Variants in STRADB observed in about 807,000 individuals in gnomAD.
STRADB encodes the protein STE20-related kinase adapter protein beta.
STRADB carries 34 observed loss-of-function variants against 52.1 expected under a neutral mutation model. The ratio of observed to expected loss-of-function variants is 0.65; its 90% CI spans 0.50 to 0.87. The LOEUF (loss-of-function observed/expected upper bound fraction) is 0.87. Ranked by LOEUF, STRADB falls within the 40% of genes least tolerant of loss-of-function variation. The probability of loss-of-function intolerance (pLI) is 0.00; values close to 1 mark genes in which losing one functional copy is unlikely to be tolerated. For missense variants in STRADB, 340 were observed against 483.9 expected (o/e 0.70, Z 2.79); for synonymous variants, 133 against 174.5 (o/e 0.76, Z 1.87).
At chr2:201,463,617 A>T (rs962408903) in intron 3 of STRADB, among the ~76,000 whole-genome samples, 1 of 152,068 alleles carries the variant, frequency 6.6e-6, no homozygotes, top group Non-Finnish European at 1.5e-5. Flanking sequence ...GGATACTTGG[A>T]TATTGATATC....
chr2:201,466,131 G>C (rs1412810070), intron 3 of STRADB, among the ~76,000 whole-genome samples: 1 of 152,120 alleles, frequency 6.6e-6, no homozygotes. Flanking sequence ...TTGCTGGAGG[G>C]TTCCATTCAG....
chr2:201,472,582 G>T (rs1166279777), intron 4 of STRADB, among the ~76,000 whole-genome samples: 1 of 152,204 alleles, frequency 6.6e-6, no homozygotes, highest in Non-Finnish European at 1.5e-5. Context: ...CTGGGAGTGG[G>T]GATGGGATTG....
chr2:201,451,856 C>T lies in STRADB; in HGVS notation c.-178C>T, dbSNP rs1295288221. 1 of 152,268 alleles carries T rather than the reference C, an allele frequency of 6.6e-6. No individual in the cohort carries two copies. Among genetic ancestry groups the T allele is most frequent in the Non-Finnish European group, 1.5e-5 (1 of 68,192 alleles). 9.4% of individuals were successfully genotyped at this position (152,268 alleles called of 1,614,324 possible). On this transcript the variant is annotated 5_prime_UTR_variant, in exon 1 of 12. Transcript: ENST00000194530. Reference sequence around the variant, plus strand: ...CGGGCCTAGAGCGCTCGCCTCGCCCCTCCGCGAGCAGGGCTCTGGCGCCCG... The same window carrying T: ...CGGGCCTAGAGCGCTCGCCTCGCCCTTCCGCGAGCAGGGCTCTGGCGCCCG...
rs1952047377 is a variant in STRADB at position 201,451,918 on chromosome 2, C to T, written c.-116C>T. The T allele has an allele frequency of 6.5e-6, 1 of 152,768 alleles. No homozygotes were observed. Among genetic ancestry groups the T allele is most frequent in the African/African-American group, 2.4e-5 (1 of 41,442 alleles). 9.5% of individuals were successfully genotyped at this position (152,768 alleles called of 1,614,324 possible). A position where few individuals can be genotyped will look rare whatever the true frequency, so the allele number is the denominator to read the frequency against. On this transcript the variant is annotated 5_prime_UTR_variant, in exon 1 of 12. Transcript: ENST00000194530. ...ACCGCTGGCAGCCTGAAGAGAGTCG[C>T]TGGCCGTGGTCGCCGCTAGGGTAAA...
chr2:201,458,472 A>C (rs985719967), intron 2 of STRADB, among the ~76,000 whole-genome samples: 2 of 144,794 alleles, frequency 1.4e-5, no homozygotes, highest in Non-Finnish European at 3.2e-5. Flanking sequence ...TGATGTTGAC[A>C]GACAGAGTTA....
At chr2:201,452,945 G>A (rs1440900217) in intron 1 of STRADB, among the ~76,000 whole-genome samples, 1 of 152,126 alleles carries the variant, frequency 6.6e-6, no homozygotes, top group African/African-American at 2.4e-5. Context: ...CGAAATATAA[G>A]TCTCTTAAAT....
chr2:201,459,012 G>A (rs1480809564), intron 3 of STRADB, 148 bp downstream of exon 3: 2 of 613,428 alleles, frequency 3.3e-6, no homozygotes, highest in Admixed American at 3.1e-5. Context: ...AAATGGTTGA[G>A]TACAATGAAT....
chr2:201,454,301 C>G (rs1952095526), intron 1 of STRADB, among the ~76,000 whole-genome samples: 1 of 152,150 alleles, frequency 6.6e-6, no homozygotes, highest in Non-Finnish European at 1.5e-5. Context: ...TTTGGAAAGT[C>G]TCAAAGTTTA....
At chr2:201,452,040 C>T (rs568334888) in intron 1 of STRADB, 102 bp downstream of exon 1, 284 of 152,494 alleles carry the variant, frequency 1.9e-3, no homozygotes, top group Non-Finnish European at 2.9e-3. Context: ...AGCCAGAGGC[C>T]AGAACGCGCT....
intron 2 of STRADB, among the ~76,000 whole-genome samples, chr2:201,456,169 A>G (rs1031322438): frequency 2.6e-5 from 4 of 152,272 alleles, no homozygotes; most frequent in Non-Finnish European, 4.4e-5. Flanking sequence ...TAGGCAATAT[A>G]TAAATGAATG....
intron 3 of STRADB, among the ~76,000 whole-genome samples, chr2:201,462,022 T>C (rs1014257507): frequency 6.6e-6 from 1 of 152,232 alleles, no homozygotes; most frequent in Non-Finnish European, 1.5e-5. Flanking sequence ...TTCTCTGTTC[T>C]GTTCCATTGG....
chr2:201,467,358 C>T (rs1262283521), intron 3 of STRADB, among the ~76,000 whole-genome samples: 1 of 152,190 alleles, frequency 6.6e-6, no homozygotes, highest in Admixed American at 6.5e-5. Flanking sequence ...TGACCATTCC[C>T]TCTTCACTTC....
intron 3 of STRADB, among the ~76,000 whole-genome samples, chr2:201,468,510 C>T (rs1952340779): frequency 6.6e-6 from 1 of 152,244 alleles, no homozygotes; most frequent in South Asian, 2.1e-4. Context: ...AACTTCGTAT[C>T]CTAAGTGTAA....
Position 201,473,078 on chromosome 2 carries a change from T to G in STRADB, c.315+2T>G, listed in dbSNP as rs1473945495. ...GAAGAACGCCTGAAAGCTTTACAGG[T>G]AACAATATGAAGAAAATGATACACA... On this transcript the variant is annotated splice_donor_variant, in intron 5 of 11. Transcript: ENST00000194530. LOFTEE classifies it high-confidence loss of function. The G allele has an allele frequency of 6.2e-6, 10 of 1,610,216 alleles. No individual in the cohort carries two copies. The highest frequency in any genetic ancestry group is 8.5e-6 in the Non-Finnish European group (10 of 1,178,958).
intron 3 of STRADB, among the ~76,000 whole-genome samples, 161 bp downstream of exon 3, chr2:201,459,025 T>C (rs1233643528): frequency 1.3e-5 from 2 of 152,132 alleles, no homozygotes; most frequent in Non-Finnish European, 2.9e-5. Context: ...CAATGAATGC[T>C]CTAACTTTGC....
intron 4 of STRADB, among the ~76,000 whole-genome samples, chr2:201,472,194 G>C (rs1354754295): frequency 2.0e-5 from 3 of 152,112 alleles, no homozygotes; most frequent in Non-Finnish European, 4.4e-5. Context: ...AAAACAATTT[G>C]GCAACTTCTT....
chr2:201,453,735 T>A (rs1281753507), intron 1 of STRADB, among the ~76,000 whole-genome samples: 2 of 152,200 alleles, frequency 1.3e-5, no homozygotes, highest in Middle Eastern at 3.2e-3. Flanking sequence ...AGGGGCACTT[T>A]GAGATGTAAC....
chr2:201,455,283 T>C (rs890390227), intron 2 of STRADB, among the ~76,000 whole-genome samples: 13 of 152,214 alleles, frequency 8.5e-5, no homozygotes, highest in African/African-American at 3.1e-4. Flanking sequence ...GAGGTATAGC[T>C]GCCAACTGGT....
intron 3 of STRADB, among the ~76,000 whole-genome samples, chr2:201,468,436 G>A (rs1447422498): frequency 2.6e-5 from 4 of 152,006 alleles, no homozygotes; most frequent in Non-Finnish European, 5.9e-5. Context: ...CTCCCTTTTT[G>A]AAAATTGGGT....
Sources: allele counts gnomAD v4.1 joint callset (sites outside exome capture counted in the v4.1 genomes callset), GRCh38; gene constraint gnomAD v4.1.1; transcripts MANE v1.5; gene names NCBI Gene and HGNC (gene_info 2026-07-23, HGNC 2026-07-21).